Variants in ASB18 observed in about 807,000 individuals in gnomAD.
The protein encoded by ASB18 is ankyrin repeat and SOCS box protein 18.
A neutral mutation model predicts 33.4 loss-of-function variants in ASB18; 33 were observed. That is an observed-to-expected ratio of 0.99 (90% CI 0.75 to 1.32). The LOEUF (loss-of-function observed/expected upper bound fraction) is 1.32. Ranked by LOEUF, ASB18 falls within the 40% of genes most tolerant of loss-of-function variation. The probability of loss-of-function intolerance (pLI) is 0.00; values close to 1 mark genes in which losing one functional copy is unlikely to be tolerated. For missense variants in ASB18, 694 were observed against 655.5 expected, an observed-to-expected ratio of 1.06 and a Z score of -0.64; for synonymous variants, 295 against 307.6, an observed-to-expected ratio of 0.96 and a Z score of 0.43.
chr2:236,237,549 C>T lies in ASB18; in HGVS notation c.596+140G>A, dbSNP rs2106278623. The T allele has an allele frequency of 5.0e-6, 3 of 602,112 alleles. No individual in the cohort carries two copies. The highest frequency in any genetic ancestry group is 3.7e-5 in the East Asian group (1 of 27,002). 37.3% of individuals were successfully genotyped at this position (602,112 alleles called of 1,614,324 possible). On this transcript the variant is annotated intron_variant, in intron 3 of 5. Transcript: ENST00000409749. The surrounding 1 kb of genome is among the most constrained non-coding windows in gnomAD (Gnocchi z 6.2). ...GATGCGGGTCTGGGGATCCAGTGGG[C>T]AGAGTCAAGGGTGCAGGGTCTGGGT...
rs1167160197 is a variant in ASB18 at position 236,225,950 on chromosome 2, A to T, written c.597-11084T>A. Among the ~76,000 whole-genome samples, 1 of 152,144 alleles carries T rather than the reference A, an allele frequency of 6.6e-6. No individual in the cohort carries two copies. The highest frequency in any genetic ancestry group is 2.4e-5 in the African/African-American group (1 of 41,416). On this transcript the variant is annotated intron_variant, in intron 3 of 5. Transcript: ENST00000409749. The surrounding 1 kb of genome is among the most constrained non-coding windows in gnomAD (Gnocchi z 5.1). ...GAGTCAGAAAATGGAATGGCTCTGTATGTAGGTCAGCGACCCCCTCTCTAC... is the reference window on the plus strand; with the variant it reads ...GAGTCAGAAAATGGAATGGCTCTGTTTGTAGGTCAGCGACCCCCTCTCTAC...
Position 236,221,578 on chromosome 2 carries a change from C to G in ASB18, c.597-6712G>C, listed in dbSNP as rs1487182098. ...TTCTCTCTCTTGCTGCTGCCTTTCACCTTCCACCTCCCCAGCCACATGGAA... is the reference window on the plus strand; with the variant it reads ...TTCTCTCTCTTGCTGCTGCCTTTCAGCTTCCACCTCCCCAGCCACATGGAA... On this transcript the variant is annotated intron_variant, in intron 3 of 5. Coordinates refer to ENST00000409749, the MANE Select transcript of ASB18 (RefSeq NM_212556.4). This position sits in a 1 kb window ranked among gnomAD's most constrained non-coding sequence, Gnocchi z 5.6. Among the ~76,000 whole-genome samples the G allele has an allele frequency of 2.0e-5, 3 of 152,184 alleles. No individual in the cohort carries two copies. The highest frequency in any genetic ancestry group is 6.5e-5 in the Admixed American group (1 of 15,278).
rs1016837487 is a variant in ASB18, at chr2:236,221,728, C to T, written c.597-6862G>A. On this transcript the variant is annotated intron_variant, in intron 3 of 5. Coordinates refer to ENST00000409749, the MANE Select transcript of ASB18 (RefSeq NM_212556.4). The surrounding 1 kb of genome is among the most constrained non-coding windows in gnomAD (Gnocchi z 5.6). Reference sequence around the variant, plus strand: ...AAGTCACCGGAGTCCTTGGGCAATCCTGAGCTCCCTCTCCTGTTCTCCTTA... The same window carrying T: ...AAGTCACCGGAGTCCTTGGGCAATCTTGAGCTCCCTCTCCTGTTCTCCTTA... 6.6e-6 allele frequency among the ~76,000 whole-genome samples: 1 copy of T among 152,196 alleles called. No individual in the cohort carries two copies. Among genetic ancestry groups the T allele is most frequent in the African/African-American group, 2.4e-5 (1 of 41,466 alleles).
rs191913281 is a variant in ASB18 at position 236,248,261 on chromosome 2, T to C, written c.206-6859A>G. 3.9e-5 allele frequency: 6 copies of C among 152,240 alleles called. No individual in the cohort carries two copies. The highest frequency in any genetic ancestry group is 1.4e-4 in the African/African-American group (6 of 41,530). The allele number at this position is 152,240 out of a possible 1,614,324, so 9.4% of individuals were successfully genotyped here. A position where few individuals can be genotyped will look rare whatever the true frequency, so the allele number is the denominator to read the frequency against. On this transcript the variant is annotated intron_variant, in intron 1 of 5. Transcript: ENST00000409749. The surrounding 1 kb of genome is among the most constrained non-coding windows in gnomAD (Gnocchi z 4.9). ...GCCCACCTGGTAGTTTCAGGCATAATGGGTTGGAGGTGCAGCCTGGGCAAC... is the reference window on the plus strand; with the variant it reads ...GCCCACCTGGTAGTTTCAGGCATAACGGGTTGGAGGTGCAGCCTGGGCAAC...
chr2:236,224,566 T>A (rs2060528248), intron 3 of ASB18, among the ~76,000 whole-genome samples: 1 of 151,654 alleles, frequency 6.6e-6, no homozygotes, highest in Non-Finnish European at 1.5e-5. Context: ...GGAAAAAAAC[T>A]TCAGTTAACA....
At position 236,235,283 on chromosome 2, in the gene ASB18, A is replaced by G. The variant is rs2060582998; in HGVS notation, c.596+2406T>C. On this transcript the variant is annotated intron_variant, in intron 3 of 5. Transcript: ENST00000409749. This position sits in a 1 kb window ranked among gnomAD's most constrained non-coding sequence, Gnocchi z 6.2. ...CACAAATACTTCCCATTGTGTTACA[A>G]TTCCCTACAGTATTCAGTACAGTAG... Among the ~76,000 whole-genome samples the G allele has an allele frequency of 6.6e-6, 1 of 152,182 alleles. No individual in the cohort carries two copies. The highest frequency in any genetic ancestry group is 6.5e-5 in the Admixed American group (1 of 15,278).
Position 236,217,219 on chromosome 2 carries a change from C to T in ASB18, c.597-2353G>A, listed in dbSNP as rs2060492042. Reference sequence around the variant, plus strand: ...GGTCAGGAGTTTGAGAACAGCCTGGCCAACATGGTGAAAACCCATCTCTAC... The same window carrying T: ...GGTCAGGAGTTTGAGAACAGCCTGGTCAACATGGTGAAAACCCATCTCTAC... On this transcript the variant is annotated intron_variant, in intron 3 of 5. Coordinates refer to ENST00000409749, the MANE Select transcript of ASB18 (RefSeq NM_212556.4). This position sits in a 1 kb window ranked among gnomAD's most constrained non-coding sequence, Gnocchi z 5.2. Among the ~76,000 whole-genome samples the T allele has an allele frequency of 6.6e-6, 1 of 152,020 alleles. No homozygotes were observed. The highest frequency in any genetic ancestry group is 2.4e-5 in the African/African-American group (1 of 41,400).
rs1293412276 is a variant in ASB18 at position 236,226,253 on chromosome 2, T to C, written c.597-11387A>G. On this transcript the variant is annotated intron_variant, in intron 3 of 5. Coordinates refer to ENST00000409749, the MANE Select transcript of ASB18 (RefSeq NM_212556.4). This position sits in a 1 kb window ranked among gnomAD's most constrained non-coding sequence, Gnocchi z 4.8. The stretch of plus-strand genomic sequence containing the variant: ...CAGCATATTCCATTATCATCATTGA[T>C]ATTGAAGGGATTCTAAGTCAGCTGT... Among the ~76,000 whole-genome samples the C allele has an allele frequency of 1.3e-5, 2 of 152,214 alleles. No homozygotes were observed. Among genetic ancestry groups the C allele is most frequent in the African/African-American group, 4.8e-5 (2 of 41,458 alleles).
chr2:236,261,386 C>T (rs903906028), intron 1 of ASB18, among the ~76,000 whole-genome samples: 2 of 152,210 alleles, frequency 1.3e-5, no homozygotes, highest in African/African-American at 4.8e-5. Flanking sequence ...CCTTCCTAGC[C>T]TTTCTCTGCC....
rs1407019700 is a variant in ASB18 at position 236,238,309 on chromosome 2, C to T, written c.329-353G>A. On this transcript the variant is annotated intron_variant, in intron 2 of 5. Coordinates refer to ENST00000409749, the MANE Select transcript of ASB18 (RefSeq NM_212556.4). The surrounding 1 kb of genome is among the most constrained non-coding windows in gnomAD (Gnocchi z 5.2). The stretch of plus-strand genomic sequence containing the variant: ...CTGTCCAAGCAGGGTGCACGGTAGG[C>T]GAATTTAAGTGAGGAATTCACGTGT... Among the ~76,000 whole-genome samples the T allele has an allele frequency of 6.6e-6, 1 of 151,974 alleles. No homozygotes were observed. Among genetic ancestry groups the T allele is most frequent in the Non-Finnish European group, 1.5e-5 (1 of 67,996 alleles).
intron 3 of ASB18, among the ~76,000 whole-genome samples, chr2:236,224,185 G>GT (rs1161648778): frequency 0.046 from 3,098 of 66,824 alleles, 326 homozygotes; most frequent in African/African-American, 0.1. Context: ...GTGTTGTCAG[G>GT]TTTTTTTTTT....
Position 236,260,323 on chromosome 2 carries a change from C to T in ASB18, c.205+3818G>A, listed in dbSNP as rs1382369382. Among the ~76,000 whole-genome samples the T allele has an allele frequency of 2.0e-5, 3 of 152,194 alleles. No individual in the cohort carries two copies. The highest frequency in any genetic ancestry group is 4.4e-5 in the Non-Finnish European group (3 of 68,044). On this transcript the variant is annotated intron_variant, in intron 1 of 5. Coordinates refer to ENST00000409749, the MANE Select transcript of ASB18 (RefSeq NM_212556.4). This position sits in a 1 kb window ranked among gnomAD's most constrained non-coding sequence, Gnocchi z 5.1. ...CACCAGCTCTGCCCCCTCTCTTGGC[C>T]CAGCCCTGTTTTCCTGTGTTATCAT...
intron 1 of ASB18, among the ~76,000 whole-genome samples, chr2:236,242,798 G>A (rs1258993321): frequency 3.3e-5 from 5 of 149,594 alleles, no homozygotes; most frequent in Non-Finnish European, 7.4e-5. Flanking sequence ...GAGGTGGGAG[G>A]ATTTGTTGAG....
intron 4 of ASB18, among the ~76,000 whole-genome samples, chr2:236,207,794 C>T (rs1055547761): frequency 6.6e-6 from 1 of 151,426 alleles, no homozygotes; most frequent in Non-Finnish European, 1.5e-5. Context: ...TGTGGCTTCA[C>T]AGGCTTCCCC....
At chr2:236,224,185 G>GTTTTTTTTTTT (rs1161648778) in intron 3 of ASB18, among the ~76,000 whole-genome samples, 2 of 66,804 alleles carry the variant, frequency 3.0e-5, no homozygotes, top group African/African-American at 1.6e-4. Context: ...GTGTTGTCAG[G>GTTTTTTTTTTT]TTTTTTTTTT....
At chr2:236,207,814 G>C (rs2060441433) in intron 4 of ASB18, among the ~76,000 whole-genome samples, 1 of 136,476 alleles carries the variant, frequency 7.3e-6, no homozygotes, top group South Asian at 2.3e-4. Flanking sequence ...CCACTGCCTG[G>C]CTGACTTTTT....
Position 236,237,985 on chromosome 2 carries a change from CA to C in ASB18, c.329-30del, listed in dbSNP as rs2060603649. The C allele has an allele frequency of 1.4e-6, 2 of 1,456,560 alleles. No individual in the cohort carries two copies. The highest frequency in any genetic ancestry group is 2.9e-5 in the East Asian group (1 of 33,990). The allele number at this position is 1,456,560 out of a possible 1,614,324, so 90.2% of individuals were successfully genotyped here. ...CGGGGAGGGAGGTGGGATGTAAGGT[CA>C]GGGGGAGGTTAGTTGTGGTGGTGGT... On this transcript the variant is annotated intron_variant, in intron 2 of 5. Coordinates refer to ENST00000409749, the MANE Select transcript of ASB18 (RefSeq NM_212556.4). This position sits in a 1 kb window ranked among gnomAD's most constrained non-coding sequence, Gnocchi z 6.2.
rs1559330285 is a variant in ASB18, at chr2:236,215,295, C to G, written c.597-429G>C. On this transcript the variant is annotated intron_variant, in intron 3 of 5. Coordinates refer to ENST00000409749, the MANE Select transcript of ASB18 (RefSeq NM_212556.4). The surrounding 1 kb of genome is among the most constrained non-coding windows in gnomAD (Gnocchi z 7.2). ...GACTCTTTCCCGGCCCCCATCTAGCCCTTCTGGAAACCGCTCAGCTTTGTG... is the reference window on the plus strand; with the variant it reads ...GACTCTTTCCCGGCCCCCATCTAGCGCTTCTGGAAACCGCTCAGCTTTGTG... 6.6e-6 allele frequency among the ~76,000 whole-genome samples: 1 copy of G among 152,122 alleles called. No individual in the cohort carries two copies. Among genetic ancestry groups the G allele is most frequent in the African/African-American group, 2.4e-5 (1 of 41,416 alleles).
rs957066990 is a variant in ASB18, at chr2:236,219,036, ATTT to A, written c.597-4173_597-4171del. Among the ~76,000 whole-genome samples the A allele has an allele frequency of 6.7e-6, 1 of 149,866 alleles. No homozygotes were observed. Among genetic ancestry groups the A allele is most frequent in the Non-Finnish European group, 1.5e-5 (1 of 67,408 alleles). Reference sequence around the variant, plus strand: ...AGCCGAGTGCCCCCATGCTTGGCTAATTTTTTTTTGTTTTATTTTTGTATTGAC... The same window carrying A: ...AGCCGAGTGCCCCCATGCTTGGCTAATTTTTTGTTTTATTTTTGTATTGAC... On this transcript the variant is annotated intron_variant, in intron 3 of 5. Transcript: ENST00000409749. The surrounding 1 kb of genome is among the most constrained non-coding windows in gnomAD (Gnocchi z 6.4).
Sources: gnomAD v4.1 joint callset for allele counts (sites outside exome capture counted in the v4.1 genomes callset) on GRCh38, gnomAD v4.1.1 for gene constraint, Gnocchi (gnomAD v3.1) non-coding constraint, MANE v1.5 for transcripts, NCBI Gene and HGNC (gene_info 2026-07-23, HGNC 2026-07-21) for gene names.